CD1B: variants seen among roughly 807,000 people sequenced by gnomAD.
The protein encoded by CD1B is T-cell surface glycoprotein CD1b.
CD1B carries 43 observed loss-of-function variants against 39.8 expected under a neutral mutation model. The ratio of observed to expected loss-of-function variants is 1.08; its 90% confidence interval spans 0.85 to 1.39. The LOEUF is 1.39. Ranked by LOEUF, CD1B falls within the 40% of genes most tolerant of loss-of-function variation. The pLI is 0.00. For missense variants in CD1B, 495 were observed against 403.8 expected (o/e 1.23, Z -1.94); for synonymous variants, 192 against 152.5 (o/e 1.26, Z -1.91).
downstream of CD1B, among the ~76,000 whole-genome samples, chr1:158,324,709 C>A (rs1557818532): frequency 6.6e-6 from 1 of 151,908 alleles, no homozygotes; most frequent in Non-Finnish European, 1.5e-5. Context: ...TAGGATTAAC[C>A]CAGTAATTTC....
At chr1:158,318,770 A>C in the CD1B span, among the ~76,000 whole-genome samples, 1 of 152,086 alleles carries the variant, frequency 6.6e-6, no homozygotes, top group Non-Finnish European at 1.5e-5. Context: ...GATGGTCTTT[A>C]CATTTTGGCA....
chr1:158,308,827 A>G, the CD1B span, among the ~76,000 whole-genome samples: 1 of 152,232 alleles, frequency 6.6e-6, no homozygotes, highest in Non-Finnish European at 1.5e-5. Context: ...TACAAAAATC[A>G]ATTCAAGATG....
At chr1:158,319,498 T>G in the CD1B span, among the ~76,000 whole-genome samples, 1 of 152,246 alleles carries the variant, frequency 6.6e-6, no homozygotes, top group Non-Finnish European at 1.5e-5. Context: ...TTCTTGAGCC[T>G]TGGTTGTCAG....
the CD1B span, chr1:158,292,679 C>G: frequency 3.1e-6 from 5 of 1,613,990 alleles, no homozygotes; most frequent in Middle Eastern, 1.7e-4. Context: ...CGGCTTCTAC[C>G]CAAAGCCTGT....
the CD1B span, among the ~76,000 whole-genome samples, chr1:158,315,612 G>C: frequency 1.3e-5 from 2 of 151,312 alleles, no homozygotes; most frequent in Non-Finnish European, 2.9e-5. Context: ...TAGGTTGCCT[G>C]TTCACTCTGA....
At chr1:158,298,873 G>C in the CD1B span, among the ~76,000 whole-genome samples, 1 of 152,204 alleles carries the variant, frequency 6.6e-6, no homozygotes, top group Admixed American at 6.5e-5. Context: ...TTTGTATCCT[G>C]AGACTTTGCT....
chr1:158,296,033 A>C, the CD1B span, among the ~76,000 whole-genome samples: 1 of 152,008 alleles, frequency 6.6e-6, no homozygotes, highest in Non-Finnish European at 1.5e-5. Flanking sequence ...ATGTGCATGG[A>C]CCTTCTACCC....
chr1:158,312,152 T>A, the CD1B span, among the ~76,000 whole-genome samples: 406 of 152,292 alleles, frequency 2.7e-3, no homozygotes, highest in Middle Eastern at 6.8e-3. Flanking sequence ...GATTTGGCCC[T>A]GTGTCCCCAC....
chr1:158,302,135 A>G, the CD1B span, among the ~76,000 whole-genome samples: 2 of 152,164 alleles, frequency 1.3e-5, no homozygotes, highest in African/African-American at 4.8e-5. Flanking sequence ...CAAGATCAAG[A>G]AGAGCTCTGA....
At chr1:158,310,072 T>C in the CD1B span, among the ~76,000 whole-genome samples, 14 of 151,668 alleles carry the variant, frequency 9.2e-5, no homozygotes, top group African/African-American at 3.4e-4. Context: ...CAAACTATAG[T>C]ACAAGGCTAC....
the CD1B span, among the ~76,000 whole-genome samples, chr1:158,318,860 T>C: frequency 6.6e-6 from 1 of 152,214 alleles, no homozygotes; most frequent in Non-Finnish European, 1.5e-5. Flanking sequence ...GCAGGCCTGT[T>C]GGTGACAAAA....
At chr1:158,309,240 A>G in the CD1B span, among the ~76,000 whole-genome samples, 1 of 152,272 alleles carries the variant, frequency 6.6e-6, no homozygotes, top group Non-Finnish European at 1.5e-5. Flanking sequence ...AACGGTCATC[A>G]TCACTGGCCA....
chr1:158,307,197 G>A, the CD1B span, among the ~76,000 whole-genome samples: 2 of 152,028 alleles, frequency 1.3e-5, no homozygotes, highest in African/African-American at 4.8e-5. Context: ...GACTAATACA[G>A]AAGAAAAGAG....
chr1:158,307,853 T>C, the CD1B span, among the ~76,000 whole-genome samples: 339 of 152,222 alleles, frequency 2.2e-3, 2 homozygotes, highest in African/African-American at 8.0e-3. Flanking sequence ...TAAGAGCTAT[T>C]TATGACAAAC....
At chr1:158,297,820 A>T in the CD1B span, among the ~76,000 whole-genome samples, 1 of 152,106 alleles carries the variant, frequency 6.6e-6, no homozygotes, top group East Asian at 1.9e-4. Context: ...CTGTAGTCCC[A>T]GCTACTGAGG....
At chr1:158,287,192 G>T in the CD1B span, among the ~76,000 whole-genome samples, 2 of 152,168 alleles carry the variant, frequency 1.3e-5, no homozygotes, top group African/African-American at 4.8e-5. Flanking sequence ...TCTCCATCTG[G>T]AAGACTCAGT....
chr1:158,299,493 G>A, the CD1B span, among the ~76,000 whole-genome samples: 2 of 151,140 alleles, frequency 1.3e-5, no homozygotes, highest in South Asian at 4.2e-4. Context: ...GGATTATGCT[G>A]GCCTCAAAAA....
chr1:158,329,795 C>T (rs1450038115), intron 3 of CD1B, 57 bp downstream of exon 3: 1 of 1,575,136 alleles, frequency 6.3e-7, no homozygotes, highest in African/African-American at 1.4e-5. Flanking sequence ...CCTTTGATAT[C>T]TTCCTACTCT....
At chr1:158,316,685 C>A in the CD1B span, among the ~76,000 whole-genome samples, 1 of 150,834 alleles carries the variant, frequency 6.6e-6, no homozygotes, top group Non-Finnish European at 1.5e-5. Flanking sequence ...CCAGAACTTC[C>A]AACACTATGT....
Sources: gnomAD v4.1 joint callset for allele counts (sites outside exome capture counted in the v4.1 genomes callset) on GRCh38, gnomAD v4.1.1 for gene constraint, MANE v1.5 for transcripts, NCBI Gene and HGNC (gene_info 2026-07-23, HGNC 2026-07-21) for gene names.